The following C22orf15 variants were observed in gnomAD, a reference collection of about 807,000 sequenced individuals.
The protein encoded by C22orf15 is chromosome 22 open reading frame 15, also known as uncharacterized protein C22orf15.
C22orf15 carries 21 observed loss-of-function variants against 20.3 expected under a neutral mutation model. That is an observed-to-expected ratio of 1.04 (90% CI 0.74 to 1.49). The LOEUF (loss-of-function observed/expected upper bound fraction) is 1.49, where lower values mean the gene tolerates loss of function less well. Among genes scored for constraint, C22orf15 ranks in the 40% most tolerant of loss-of-function variants. C22orf15 has a pLI of 0.00. For missense variants in C22orf15, 170 were observed against 191.1 expected, an observed-to-expected ratio of 0.89 and a Z score of 0.65; for synonymous variants, 78 against 75.4, an observed-to-expected ratio of 1.03 and a Z score of -0.18.
intron 1 of C22orf15, among the ~76,000 whole-genome samples, chr22:23,763,610 A>G (rs373551375): frequency 6.6e-6 from 1 of 152,230 alleles, no homozygotes; most frequent in African/African-American, 2.4e-5. Context: ...AAGCCGCACA[A>G]TCTCTTCGCC....
At chr22:23,765,046 C>T in intron 5 of C22orf15, 144 bp downstream of exon 5, 3 of 1,486,924 alleles carry the variant, frequency 2.0e-6, no homozygotes, top group Non-Finnish European at 2.7e-6. Flanking sequence ...TCAACACCAA[C>T]TCCACGCACA....
chr22:23,763,553 G>A (rs888821114), intron 1 of C22orf15, among the ~76,000 whole-genome samples: 1 of 152,250 alleles, frequency 6.6e-6, no homozygotes, highest in Non-Finnish European at 1.5e-5. Context: ...CATTCACAAG[G>A]GTTCCTCTCG....
Position 23,765,850 on chromosome 22 carries a change from C to T in C22orf15, c.*118C>T, listed in dbSNP as rs191254040. ...ACAACAGGCTGTGGTCTAAAATAAA[C>T]TTTTAATTGCACATTTGTGTCTTGG... On this transcript the variant is annotated 3_prime_UTR_variant, in exon 6 of 6. Transcript: ENST00000402217. 5.7e-5 allele frequency: 88 copies of T among 1,531,278 alleles called. 1 individual carries two copies. In the East Asian group the frequency reaches 1.2e-3, roughly 21 times the overall value. The allele number at this position is 1,531,278 out of a possible 1,614,324, so 94.9% of individuals were successfully genotyped here.
chr22:23,765,376 G>A lies in C22orf15; in HGVS notation c.436-345G>A, dbSNP rs377265729. 5.2e-6 allele frequency: 8 copies of A among 1,551,012 alleles called. No homozygotes were observed. The East Asian group carries it at 7.3e-5, about 14-fold the overall frequency. Reference sequence around the variant, plus strand: ...CCATGACCTCTGCCTTGTGTGATCAGGTGCAAACAGACAACAACCCAGCAG... The same window carrying A: ...CCATGACCTCTGCCTTGTGTGATCAAGTGCAAACAGACAACAACCCAGCAG... On this transcript the variant is annotated intron_variant, in intron 5 of 5. Coordinates refer to ENST00000402217, the MANE Select transcript of C22orf15 (RefSeq NM_182520.3).
intron 5 of C22orf15, 156 bp from the exon 6 acceptor site, chr22:23,765,565 G>A (rs988152318): frequency 6.5e-7 from 1 of 1,528,348 alleles, no homozygotes; most frequent in Non-Finnish European, 8.8e-7. Context: ...CCTGATAAGG[G>A]GGAGACCATG....
chr22:23,763,704 T>C (rs778051672), intron 1 of C22orf15, among the ~76,000 whole-genome samples: 34 of 152,176 alleles, frequency 2.2e-4, no homozygotes, highest in Non-Finnish European at 4.7e-4. Flanking sequence ...TGCCTCTGGC[T>C]GGAGGCGGGT....
At chr22:23,765,450 G>A in intron 5 of C22orf15, 1 of 1,550,974 alleles carries the variant, frequency 6.4e-7, no homozygotes, top group Non-Finnish European at 8.7e-7. Context: ...ATCAGCAAGA[G>A]GGGCAAGGTC....
chr22:23,765,019 T>C, intron 5 of C22orf15, 117 bp downstream of exon 5: 3 of 1,505,840 alleles, frequency 2.0e-6, no homozygotes, highest in Middle Eastern at 1.8e-4. Flanking sequence ...CAGACACATA[T>C]GATGAGGGGC....
chr22:23,763,253 G>C lies in C22orf15; in HGVS notation c.-54G>C. On this transcript the variant is annotated 5_prime_UTR_variant, in exon 1 of 6. Coordinates refer to ENST00000402217, the MANE Select transcript of C22orf15 (RefSeq NM_182520.3). ...TGCTCCACGCTTTTCCTTAGTTGGGGAATCGAGAGTTGGGGGATCAAAGCC... is the reference window on the plus strand; with the variant it reads ...TGCTCCACGCTTTTCCTTAGTTGGGCAATCGAGAGTTGGGGGATCAAAGCC... 5 of 1,548,686 alleles carry C rather than the reference G, an allele frequency of 3.2e-6. No individual in the cohort carries two copies. The South Asian group carries it at 4.8e-5, about 15-fold the overall frequency.
chr22:23,764,777 T>C lies in C22orf15; in HGVS notation c.326-16T>C, dbSNP rs1443987104. ...TCTCCCTAACCCCTACCAACAGGAC[T>C]TCCTGGGCCTTCCAGAGGAACTGCG... is the stretch of plus-strand genomic sequence containing the variant. On this transcript the variant is annotated splice_polypyrimidine_tract_variant and intron_variant, in intron 4 of 5. Coordinates refer to ENST00000402217, the MANE Select transcript of C22orf15 (RefSeq NM_182520.3). The C allele has an allele frequency of 6.2e-7, 1 of 1,613,998 alleles. No individual in the cohort carries two copies. The highest frequency in any genetic ancestry group is 1.1e-5 in the South Asian group (1 of 91,084).
intron 1 of C22orf15, 23 bp from the exon 2 acceptor site, chr22:23,764,064 C>T (rs947710051): frequency 8.3e-5 from 129 of 1,548,726 alleles, no homozygotes; most frequent in Non-Finnish European, 1.0e-4. Context: ...ATCTCACAGG[C>T]TCACCTTTGC....
intron 5 of C22orf15, 72 bp from the exon 6 acceptor site, chr22:23,765,649 T>C (rs1003997041): frequency 6.6e-7 from 1 of 1,518,198 alleles, no homozygotes; most frequent in Admixed American, 2.1e-5. Context: ...CACCTCACTC[T>C]GGACTGCCCA....
chr22:23,763,343 C>G lies in C22orf15; in HGVS notation c.25+12C>G. 6.5e-7 allele frequency: 1 copy of G among 1,547,812 alleles called. No homozygotes were observed. The highest frequency in any genetic ancestry group is 1.2e-5 in the South Asian group (1 of 83,502). ...GGTGATGTTTGGGGGTAAGTGGGGT[C>G]CCCTGTCTTGGTAGGCGGATAGGGG... On this transcript the variant is annotated intron_variant, in intron 1 of 5. Transcript: ENST00000402217.
rs924776569 is a variant in C22orf15, at chr22:23,764,092, T to G, written c.31T>G (p.Cys11Gly). The change falls in exon 2 of 6, where the codon TGC (cysteine) becomes GGC (glycine). Residue 11 changes from cysteine (C) to glycine (G), a missense_variant. Coordinates refer to ENST00000402217, the MANE Select transcript of C22orf15 (RefSeq NM_182520.3). ...ACCTTTGCCCCTCTCCACAGCTGGC[T>G]GCTCGGTGCTGGTGAACACCTCTTG... Reference protein sequence around the residue: MFIKVMFGAGCSVLVNTSCRL... With the variant: MFIKVMFGAGGSVLVNTSCRL... 6.4e-7 allele frequency: 1 copy of G among 1,550,538 alleles called. No individual in the cohort carries two copies. The highest frequency in any genetic ancestry group is 1.4e-5 in the African/African-American group (1 of 73,004).
Position 23,765,196 on chromosome 22 carries a change from C to G in C22orf15, c.435+294C>G, listed in dbSNP as rs1305780496. The G allele has an allele frequency of 9.0e-6, 13 of 1,447,732 alleles. No individual in the cohort carries two copies. In the African/African-American group the frequency reaches 1.9e-4, roughly 21 times the overall value. 89.7% of individuals were successfully genotyped at this position (1,447,732 alleles called of 1,614,324 possible). On this transcript the variant is annotated intron_variant, in intron 5 of 5. Coordinates refer to ENST00000402217, the MANE Select transcript of C22orf15 (RefSeq NM_182520.3). ...TGGCACACAGTAGGAGCTCAGTGCA[C>G]AACTGCTGGATGAACTCAATGAAGG... is the stretch of plus-strand genomic sequence containing the variant.
At chr22:23,764,512 A>G in intron 3 of C22orf15, 115 bp downstream of exon 3, 1 of 1,564,588 alleles carries the variant, frequency 6.4e-7, no homozygotes, top group Non-Finnish European at 8.8e-7. Flanking sequence ...CTGGGGACCT[A>G]GCCCCAATCC....
Position 23,764,916 on chromosome 22 carries a change from C to T in C22orf15, c.435+14C>T. On this transcript the variant is annotated intron_variant, in intron 5 of 5. Transcript: ENST00000402217. ...AGGCCCAGAAAGGTGAGCTCCCTGCCACCCAGGAGTTGCTAGCTGGGGCAG... is the reference window on the plus strand; with the variant it reads ...AGGCCCAGAAAGGTGAGCTCCCTGCTACCCAGGAGTTGCTAGCTGGGGCAG... 6.2e-7 allele frequency: 1 copy of T among 1,600,528 alleles called. No individual in the cohort carries two copies. The highest frequency in any genetic ancestry group is 8.5e-7 in the Non-Finnish European group (1 of 1,171,912).
chr22:23,764,107 AAC>A lies in C22orf15; in HGVS notation c.49_50del (p.Thr17LeufsTer28). ...MFGAGCSVLV[N>X]TSCRLVNLTA... ...CACAGCTGGCTGCTCGGTGCTGGTG[AAC>A]ACCTCTTGCAGGCTGGTGAACCTCA... is the stretch of plus-strand genomic sequence containing the variant. On this transcript the variant is annotated frameshift_variant, in exon 2 of 6. Coordinates refer to ENST00000402217, the MANE Select transcript of C22orf15 (RefSeq NM_182520.3). LOFTEE classifies it high-confidence loss of function. 1 of 1,551,020 alleles carries A rather than the reference AAC, an allele frequency of 6.4e-7. No individual in the cohort carries two copies.
Position 23,765,545 on chromosome 22 carries a change from G to A in C22orf15, c.436-176G>A, listed in dbSNP as rs576063451. On this transcript the variant is annotated intron_variant, in intron 5 of 5. Coordinates refer to ENST00000402217, the MANE Select transcript of C22orf15 (RefSeq NM_182520.3). Reference sequence around the variant, plus strand: ...AGGTAGAGACAAGAAGGGTAGAGGTGGCAGGTATCCCTGATAAGGGGGAGA... The same window carrying A: ...AGGTAGAGACAAGAAGGGTAGAGGTAGCAGGTATCCCTGATAAGGGGGAGA... 2.2e-5 allele frequency: 34 copies of A among 1,542,100 alleles called. No individual in the cohort carries two copies. In the East Asian group the frequency reaches 5.6e-4, roughly 26 times the overall value.
Sources: gnomAD v4.1 joint callset for allele counts (sites outside exome capture counted in the v4.1 genomes callset) on GRCh38, gnomAD v4.1.1 for gene constraint, MANE v1.5 for transcripts, NCBI Gene and HGNC (gene_info 2026-07-23, HGNC 2026-07-21) for gene names.